Variants in SLC49A3 observed in about 807,000 individuals in gnomAD.
SLC49A3 encodes solute carrier family 49 member A3.
Under a neutral mutation model 43.8 loss-of-function variants are expected in SLC49A3, and 50 were observed. The ratio of observed to expected loss-of-function variants is 1.14; its 90% CI spans 0.91 to 1.45. The LOEUF is 1.45. SLC49A3 is among the 40% of genes most tolerant of loss of function. The pLI, the probability that SLC49A3 is intolerant of heterozygous loss-of-function variation, is 0.00. For missense variants in SLC49A3, 906 were observed against 774.1 expected (o/e 1.17, Z -2.02); for synonymous variants, 413 against 352.0 (o/e 1.17, Z -1.94).
At chr4:690,318 A>G (rs1741774181), upstream of SLC49A3, among the ~76,000 whole-genome samples, 1 of 151,682 alleles carries the variant, frequency 6.6e-6, no homozygotes, top group African/African-American at 2.4e-5. Flanking sequence ...ATTCTCTGAG[A>G]CGTGTGATGG....
chr4:677,022 C>T, downstream of SLC49A3: 1 of 752,888 alleles, frequency 1.3e-6, no homozygotes, highest in Non-Finnish European at 1.6e-6. Flanking sequence ...GTCTTTTTAG[C>T]CTTGCAGACA....
rs141357950 is a variant in SLC49A3 at position 685,158 on chromosome 4, G to A, written c.586-302C>T. 2.3e-4 allele frequency: 110 copies of A among 473,416 alleles called. 1 individual carries two copies. The East Asian group carries it at 4.3e-3, about 19-fold the overall frequency. 29.3% of individuals were successfully genotyped at this position (473,416 alleles called of 1,614,324 possible). The stretch of plus-strand genomic sequence containing the variant: ...TGCCAGCTGCACAGCCCATGATAGG[G>A]CTCAACACACAGACACAGGTGGGTG... On this transcript the variant is annotated intron_variant, in intron 4 of 9. Transcript: ENST00000322224. This position sits in a 1 kb window ranked among gnomAD's most constrained non-coding sequence, Gnocchi z 4.3.
At chr4:686,049 A>C in intron 3 of SLC49A3, 40 bp downstream of exon 3, 1 of 1,611,294 alleles carries the variant, frequency 6.2e-7, no homozygotes, top group African/African-American at 1.3e-5. Context: ...GTGGACCCTG[A>C]GGTGAGCCCA....
chr4:689,318 G>A (rs1017143101), upstream of SLC49A3: 3 of 344,286 alleles, frequency 8.7e-6, no homozygotes, highest in African/African-American at 2.2e-5. Flanking sequence ...CCAAAAAAGC[G>A]GGGGAAGGGC....
At chr4:691,106 G>A (rs911923795), upstream of SLC49A3, among the ~76,000 whole-genome samples, 1 of 152,020 alleles carries the variant, frequency 6.6e-6, no homozygotes, top group African/African-American at 2.4e-5. Flanking sequence ...CCAACATGGT[G>A]AAACCCAGTC....
At chr4:690,451 G>A (rs919628794), upstream of SLC49A3, among the ~76,000 whole-genome samples, 2 of 148,704 alleles carry the variant, frequency 1.3e-5, no homozygotes, top group African/African-American at 5.0e-5. Flanking sequence ...CCTCTTGCTC[G>A]CCCTGCCCTG....
chr4:678,453 G>A (rs1739078617), downstream of SLC49A3: 5 of 1,429,346 alleles, frequency 3.5e-6, no homozygotes, highest in African/African-American at 5.8e-5. Context: ...CAGTCCCTGT[G>A]CTGAAGCCAG....
chr4:679,064 CT>C (rs951948329), downstream of SLC49A3: 6 of 1,579,188 alleles, frequency 3.8e-6, no homozygotes, highest in Middle Eastern at 1.7e-4. Context: ...CCTCAGAGCC[CT>C]TGGAGGAGGC....
downstream of SLC49A3, chr4:678,074 A>G (rs1739027635): frequency 6.2e-7 from 1 of 1,610,230 alleles, no homozygotes; most frequent in African/African-American, 1.3e-5. Context: ...TGTGGGTGTG[A>G]GCTGTGCTGT....
At chr4:682,931 C>G (rs1225705342) in intron 8 of SLC49A3, 41 bp from the exon 9 acceptor site, 2 of 1,477,102 alleles carry the variant, frequency 1.4e-6, no homozygotes, top group African/African-American at 2.8e-5. Flanking sequence ...CACTGCCCAC[C>G]CCCTCGGAGC....
rs764108474 is a variant in SLC49A3 at position 689,081 on chromosome 4, G to A, written c.47C>T (p.Ala16Val). The part of the protein sequence containing the change: ...EAETGLAEPR[A>V]LCAQRGHRTY... ...GCGGTGGCCCCGCTGCGCGCACAGG[G>A]CCCGGGGCTCGGCCAACCCCGTCTC... Residue 16 changes from alanine (A) to valine (V), a missense_variant, in exon 1 of 10, where the codon GCC (alanine) becomes GTC (valine). Physicochemically the swap from Ala to Val is moderately conservative, Grantham distance 64. Coordinates refer to ENST00000322224, the MANE Select transcript of SLC49A3 (RefSeq NM_032219.4). 16 of 1,548,962 alleles carry A rather than the reference G, an allele frequency of 1.0e-5. No homozygotes were observed. In the Admixed American group the frequency reaches 2.9e-4, roughly 28 times the overall value.
intron 1 of SLC49A3, 77 bp from the exon 2 acceptor site, chr4:686,767 G>A (rs1741127440): frequency 6.5e-7 from 1 of 1,532,190 alleles, no homozygotes; most frequent in Non-Finnish European, 8.8e-7. Flanking sequence ...CAGCCCGAGG[G>A]GGTCAGAGTG....
chr4:680,622 C>T (rs369753150), downstream of SLC49A3: 9 of 1,600,542 alleles, frequency 5.6e-6, no homozygotes, highest in African/African-American at 2.7e-5. Flanking sequence ...GCCCGGCTTC[C>T]GGGGAACCCC....
rs1004131832 is a variant in SLC49A3 at position 682,242 on chromosome 4, C to A, written c.1396G>T (p.Asp466Tyr). Residue 466 changes from aspartate (D) to tyrosine (Y), a missense_variant, in exon 10 of 10, where the codon GAC becomes TAC. Asp to Tyr is a radical substitution (Grantham distance 160). Transcript: ENST00000322224. ...PSTRNAVGGA[D>Y]SGPGVDRGGA... Reference sequence around the variant, plus strand: ...CCTCGGTCCACACCCGGCCCTGAGTCTGCGCCGCCCACGGCGTTACGGGTG... The same window carrying A: ...CCTCGGTCCACACCCGGCCCTGAGTATGCGCCGCCCACGGCGTTACGGGTG... 6 of 1,378,936 alleles carry A rather than the reference C, an allele frequency of 4.4e-6. No homozygotes were observed. The Admixed American group carries it at 1.4e-4, about 33-fold the overall frequency. 85.4% of individuals were successfully genotyped at this position (1,378,936 alleles called of 1,614,324 possible). A position where few individuals can be genotyped will look rare whatever the true frequency, so the allele number is the denominator to read the frequency against.
chr4:688,808 C>T, intron 1 of SLC49A3, 185 bp downstream of exon 1: 2 of 996,058 alleles, frequency 2.0e-6, no homozygotes, highest in East Asian at 3.3e-5. Flanking sequence ...GCTCTGTGCC[C>T]TGGGCCCAGC....
chr4:677,898 G>A, downstream of SLC49A3: 5 of 1,520,320 alleles, frequency 3.3e-6, no homozygotes, highest in Non-Finnish European at 4.6e-6. Context: ...GTCCCCTGGG[G>A]TAGCCCCAAG....
At position 682,964 on chromosome 4, in the gene SLC49A3, T is replaced by TGACATCG. The variant is rs1329274854; in HGVS notation, c.1152-81_1152-75dup. 1.1e-5 allele frequency: 15 copies of TGACATCG among 1,328,962 alleles called. No individual in the cohort carries two copies. In the Admixed American group the frequency reaches 3.3e-4, roughly 29 times the overall value. The allele number at this position is 1,328,962 out of a possible 1,614,324, so 82.3% of individuals were successfully genotyped here. A position where few individuals can be genotyped will look rare whatever the true frequency, so the allele number is the denominator to read the frequency against. ...AGCCAGGTGCCACCTTGGGAAATGT[T>TGACATCG]GACATCGGTGCTGTCCCTTGTGCCA... On this transcript the variant is annotated intron_variant, in intron 8 of 9. Transcript: ENST00000322224.
Position 686,515 on chromosome 4 carries a change from TG to T in SLC49A3, c.294+16del. ...TGCACTGTCCCGGAGCGGGCCATGGTGTGGGGTCTGACTCACCGCCGCACGG... is the reference window on the plus strand; with the variant it reads ...TGCACTGTCCCGGAGCGGGCCATGGTTGGGGTCTGACTCACCGCCGCACGG... On this transcript the variant is annotated intron_variant, in intron 2 of 9. Coordinates refer to ENST00000322224, the MANE Select transcript of SLC49A3 (RefSeq NM_032219.4). The T allele has an allele frequency of 1.2e-6, 2 of 1,610,072 alleles. No individual in the cohort carries two copies. The highest frequency in any genetic ancestry group is 1.7e-6 in the Non-Finnish European group (2 of 1,178,804).
downstream of SLC49A3, among the ~76,000 whole-genome samples, chr4:681,412 C>T (rs1301030327): frequency 1.3e-5 from 2 of 152,000 alleles, no homozygotes; most frequent in African/African-American, 2.4e-5. Flanking sequence ...AGGGGCGGGG[C>T]TCACAGCTGT....
Sources: allele counts gnomAD v4.1 joint callset (sites outside exome capture counted in the v4.1 genomes callset), GRCh38; gene constraint gnomAD v4.1.1; non-coding constraint Gnocchi (gnomAD v3.1); transcripts MANE v1.5; gene names NCBI Gene and HGNC (gene_info 2026-07-23, HGNC 2026-07-21).